Variants in RASGEF1A observed in about 807,000 individuals in gnomAD.
RASGEF1A encodes the protein RasGEF domain family member 1A.
A neutral mutation model predicts 56.4 loss-of-function variants in RASGEF1A; 18 were observed. The observed-to-expected ratio is 0.32, with a 90% CI of 0.22 to 0.47. The LOEUF is 0.47. Ranked by LOEUF, RASGEF1A falls within the 20% of genes least tolerant of loss-of-function variation. RASGEF1A has a pLI of 1.00. For missense variants in RASGEF1A, 422 were observed against 627.1 expected, an observed-to-expected ratio of 0.67 and a Z score of 3.49; for synonymous variants, 245 against 242.6, an observed-to-expected ratio of 1.01 and a Z score of -0.09.
chr10:43,247,787 C>T (rs1400878315), intron 1 of RASGEF1A, among the ~76,000 whole-genome samples: 3 of 152,154 alleles, frequency 2.0e-5, no homozygotes, highest in Non-Finnish European at 2.9e-5. Flanking sequence ...CTGGGCTGGG[C>T]GTGGTGGCTC....
chr10:43,228,033 T>C (rs1369623117), intron 1 of RASGEF1A, among the ~76,000 whole-genome samples: 1 of 152,042 alleles, frequency 6.6e-6, no homozygotes, highest in Non-Finnish European at 1.5e-5. Flanking sequence ...AGCAATGCCA[T>C]GGCAGCCCCA....
At chr10:43,214,142 C>T (rs1840103976) in intron 1 of RASGEF1A, among the ~76,000 whole-genome samples, 1 of 152,218 alleles carries the variant, frequency 6.6e-6, no homozygotes, top group Non-Finnish European at 1.5e-5. Flanking sequence ...CCTGCCCTAT[C>T]ACCCATGAGC....
At chr10:43,234,101 T>C (rs1297527628) in intron 1 of RASGEF1A, among the ~76,000 whole-genome samples, 2 of 152,194 alleles carry the variant, frequency 1.3e-5, no homozygotes, top group African/African-American at 4.8e-5. Flanking sequence ...GGGCTGGATC[T>C]GGGTGTCCCT....
chr10:43,245,080 TAGAG>T (rs1183147607), intron 1 of RASGEF1A, among the ~76,000 whole-genome samples: 1 of 151,296 alleles, frequency 6.6e-6, no homozygotes, highest in Non-Finnish European at 1.5e-5. Context: ...AAGAAAAAAA[TAGAG>T]AGAAGACTCA....
chr10:43,261,352 G>A (rs987064690), intron 1 of RASGEF1A, among the ~76,000 whole-genome samples: 6 of 152,182 alleles, frequency 3.9e-5, no homozygotes, highest in African/African-American at 9.7e-5. Flanking sequence ...GAAGGGGCAC[G>A]GGGCATAGAA....
At chr10:43,198,862 AG>A in intron 9 of RASGEF1A, 70 bp downstream of exon 9, 2 of 1,406,470 alleles carry the variant, frequency 1.4e-6, no homozygotes, top group African/African-American at 1.4e-5. Context: ...CCCCACTGTC[AG>A]GGCCCCCTTC....
rs1227649118 is a variant in RASGEF1A, at chr10:43,196,183, A to C, written c.*61T>G. The C allele has an allele frequency of 4.5e-6, 7 of 1,549,926 alleles. No individual in the cohort carries two copies. The highest frequency in any genetic ancestry group is 6.2e-6 in the Non-Finnish European group (7 of 1,127,820). On this transcript the variant is annotated 3_prime_UTR_variant, in exon 13 of 13. Coordinates refer to ENST00000395810, the MANE Select transcript of RASGEF1A (RefSeq NM_145313.4). This position sits in a 1 kb window ranked among gnomAD's most constrained non-coding sequence, Gnocchi z 4.6. The stretch of plus-strand genomic sequence containing the variant: ...AGGCCTCCTCATCTCAACCCACATC[A>C]GTCAAAATTTAAACCCAGTTAGTGC...
chr10:43,242,644 T>G (rs1300720208), intron 1 of RASGEF1A, among the ~76,000 whole-genome samples: 2 of 151,722 alleles, frequency 1.3e-5, no homozygotes, highest in African/African-American at 4.8e-5. Context: ...GTGATTCTCC[T>G]GCCTCGGCCT....
rs138188774 is a variant in RASGEF1A, at chr10:43,231,286, C to A, written c.-6-25164G>T. Reference sequence around the variant, plus strand: ...CCTTCAGGTGGCTTCATGGAGAGCACCAAGAAGGTGAAACCTGGTGTCTTG... The same window carrying A: ...CCTTCAGGTGGCTTCATGGAGAGCAACAAGAAGGTGAAACCTGGTGTCTTG... On this transcript the variant is annotated intron_variant, in intron 1 of 12. Coordinates refer to ENST00000395810, the MANE Select transcript of RASGEF1A (RefSeq NM_145313.4). Among the ~76,000 whole-genome samples the A allele has an allele frequency of 1.1e-4, 16 of 152,358 alleles. No individual in the cohort carries two copies. The East Asian group carries it at 2.9e-3, about 28-fold the overall frequency.
intron 1 of RASGEF1A, among the ~76,000 whole-genome samples, chr10:43,240,178 T>G (rs1024284044): frequency 6.6e-6 from 1 of 152,212 alleles, no homozygotes; most frequent in African/African-American, 2.4e-5. Context: ...TAGCGAAGAC[T>G]GAGAACTTTA....
intron 9 of RASGEF1A, among the ~76,000 whole-genome samples, 178 bp from the exon 10 acceptor site, chr10:43,198,373 G>A (rs1356858571): frequency 6.6e-6 from 1 of 152,198 alleles, no homozygotes; most frequent in Non-Finnish European, 1.5e-5. Flanking sequence ...CCTGGGGCCA[G>A]GGCTTCTGAG....
intron 1 of RASGEF1A, among the ~76,000 whole-genome samples, chr10:43,265,875 C>A (rs1427858611): frequency 6.6e-6 from 1 of 152,246 alleles, no homozygotes; most frequent in Non-Finnish European, 1.5e-5. Context: ...GGCTCCCCTG[C>A]ACCCAGCCTG....
In RASGEF1A at chr10:43,218,726, GC is replaced by G. The variant is rs565824933; in HGVS notation, c.-6-12605del. Among the ~76,000 whole-genome samples the G allele has an allele frequency of 2.5e-3, 377 of 152,382 alleles. 1 individual carries two copies. The highest frequency in any genetic ancestry group is 2.2e-3 in the Non-Finnish European group (153 of 68,034). On this transcript the variant is annotated intron_variant, in intron 1 of 12. Coordinates refer to ENST00000395810, the MANE Select transcript of RASGEF1A (RefSeq NM_145313.4). ...GGGCAGTCTCAGGGCCTGGCCAAGGGCCTCAGGCCGGACTCCAACAAGGAGG... is the reference window on the plus strand; with the variant it reads ...GGGCAGTCTCAGGGCCTGGCCAAGGGCTCAGGCCGGACTCCAACAAGGAGG...
chr10:43,264,869 C>T (rs1836596753), intron 1 of RASGEF1A, among the ~76,000 whole-genome samples: 1 of 152,172 alleles, frequency 6.6e-6, no homozygotes, highest in Non-Finnish European at 1.5e-5. Context: ...TGCCTTGGCA[C>T]AGCACCTTCA....
chr10:43,246,682 C>A (rs1007251135), intron 1 of RASGEF1A, among the ~76,000 whole-genome samples: 5 of 152,148 alleles, frequency 3.3e-5, no homozygotes, highest in African/African-American at 1.2e-4. Context: ...AGAATACTCT[C>A]TTCAACAAAT....
chr10:43,266,755 C>A (rs910905564), intron 1 of RASGEF1A, 90 bp downstream of exon 1: 23 of 145,998 alleles, frequency 1.6e-4, no homozygotes, highest in African/African-American at 5.6e-4. Flanking sequence ...CCCGCGCACG[C>A]CGCGCCCTGC....
chr10:43,205,984 G>A lies in RASGEF1A; in HGVS notation c.133C>T (p.Leu45Phe). ...SGDLIFQDGHLISGSLEALME... is the reference protein window; with the variant it reads ...SGDLIFQDGHFISGSLEALME... ...AGGGCCTCCAGGGACCCAGAGATGA[G>A]GTGTCCATCTTGGAAGATGAGGTCC... The change falls in exon 2 of 13, where the codon CTC (leucine) becomes TTC (phenylalanine). Residue 45 changes from leucine to phenylalanine, a missense_variant. By Grantham distance (22) the Leu-to-Phe change is conservative. This residue lies in a region of RASGEF1A where 273 missense variants were observed against 339.9 expected (regional missense o/e 0.80). Coordinates refer to ENST00000395810, the MANE Select transcript of RASGEF1A (RefSeq NM_145313.4). 6.2e-7 allele frequency: 1 copy of A among 1,613,232 alleles called. No homozygotes were observed. The highest frequency in any genetic ancestry group is 8.5e-7 in the Non-Finnish European group (1 of 1,179,966).
At chr10:43,209,304 G>T in intron 1 of RASGEF1A, 1 of 766,004 alleles carries the variant, frequency 1.3e-6, no homozygotes, top group Non-Finnish European at 1.6e-6. Context: ...TTACGCAGAC[G>T]AGGGGTGAGT....
chr10:43,252,776 G>A (rs1840641719), intron 1 of RASGEF1A, among the ~76,000 whole-genome samples: 1 of 152,120 alleles, frequency 6.6e-6, no homozygotes, highest in Non-Finnish European at 1.5e-5. Context: ...ACAGAGGCTT[G>A]CAGGCTCCCT....
Sources: gnomAD v4.1 joint callset for allele counts (sites outside exome capture counted in the v4.1 genomes callset) on GRCh38, gnomAD v4.1.1 for gene constraint, gnomAD v4.1.1 regional missense constraint, Gnocchi (gnomAD v3.1) non-coding constraint, MANE v1.5 for transcripts, NCBI Gene and HGNC (gene_info 2026-07-23, HGNC 2026-07-21) for gene names.